OR1D2: variants seen among roughly 807,000 people sequenced by gnomAD.
OR1D2 encodes olfactory receptor 1D2.
For synonymous variants in OR1D2, 157 were observed against 153.9 expected (o/e 1.02, Z -0.15); for missense variants, 357 against 376.1 (o/e 0.95, Z 0.42).
rs1488220463 is a variant in OR1D2 at position 3,089,449 on chromosome 17, G to A, written c.*2609C>T. On this transcript the variant is annotated 3_prime_UTR_variant, in exon 2 of 2. Coordinates refer to ENST00000641833, the MANE Select transcript of OR1D2 (RefSeq NM_002548.3). ...TAGGAGTCTATGGTCCTTGGTTGAA[G>A]TTTTGTTTAGTGTACTAGTTGGCCT... 1 of 152,302 alleles carries A rather than the reference G, an allele frequency of 6.6e-6. No individual in the cohort carries two copies. Among genetic ancestry groups the A allele is most frequent in the Non-Finnish European group, 1.5e-5 (1 of 68,134 alleles). 9.4% of individuals were successfully genotyped at this position (152,302 alleles called of 1,614,324 possible).
In OR1D2 at chr17:3,094,919, C is replaced by G. The variant is rs944118672; in HGVS notation, c.-50-1873G>C. On this transcript the variant is annotated intron_variant, in intron 1 of 1. Coordinates refer to ENST00000641833, the MANE Select transcript of OR1D2 (RefSeq NM_002548.3). ...AGTCAGGCTGAATAGTAGTATTGAA[C>G]TAGCAGAAAAAATAGCATTCTTTAA... Among the ~76,000 whole-genome samples the G allele has an allele frequency of 2.0e-5, 3 of 151,832 alleles. No individual in the cohort carries two copies. In the East Asian group the frequency reaches 5.8e-4, roughly 29 times the overall value.
chr17:3,102,731 A>G (rs1412876126), intron 1 of OR1D2, among the ~76,000 whole-genome samples: 2 of 152,166 alleles, frequency 1.3e-5, no homozygotes, highest in African/African-American at 2.4e-5. Context: ...AAGAGCTGAA[A>G]TGCTGTATGT....
At chr17:3,099,666 C>T (rs1015807883) in intron 1 of OR1D2, among the ~76,000 whole-genome samples, 3 of 152,144 alleles carry the variant, frequency 2.0e-5, no homozygotes, top group Non-Finnish European at 4.4e-5. Context: ...CACATTCACA[C>T]ATAACAATAT....
At chr17:3,095,730 T>C (rs1597254825) in intron 1 of OR1D2, among the ~76,000 whole-genome samples, 1 of 151,882 alleles carries the variant, frequency 6.6e-6, no homozygotes, top group African/African-American at 2.4e-5. Context: ...TCTTATAACT[T>C]ATTTAAACAC....
At chr17:3,102,644 T>C (rs1046575586) in intron 1 of OR1D2, among the ~76,000 whole-genome samples, 7 of 152,264 alleles carry the variant, frequency 4.6e-5, no homozygotes, top group African/African-American at 1.4e-4. Context: ...CCGTTCTGCC[T>C]CCAGATTTCA....
chr17:3,102,301 G>T (rs768769021), intron 1 of OR1D2, among the ~76,000 whole-genome samples: 3 of 152,110 alleles, frequency 2.0e-5, no homozygotes, highest in Non-Finnish European at 4.4e-5. Flanking sequence ...CATCAAATGA[G>T]TGAATTCCTT....
intron 1 of OR1D2, among the ~76,000 whole-genome samples, chr17:3,100,306 G>T (rs1240416109): frequency 6.6e-6 from 1 of 152,044 alleles, no homozygotes; most frequent in African/African-American, 2.4e-5. Flanking sequence ...AAATGAAAAA[G>T]AACTGAAATA....
chr17:3,092,205 A>T lies in OR1D2; in HGVS notation c.792T>A (p.His264Gln). ...TLCMVYLKPL[H>Q]TYSVKDSVAT... is the part of the protein sequence containing the mutation. The stretch of plus-strand genomic sequence containing the variant: ...CTACTGAGTCCTTCACAGAGTAGGT[A>T]TGGAGGGGCTTTAGGTATACCATAC... Residue 264 changes from histidine to glutamine, a missense_variant, in exon 2 of 2, where the codon CAT (histidine) becomes CAA (glutamine). His to Gln is a conservative substitution (Grantham distance 24). Transcript: ENST00000641833. The T allele has an allele frequency of 6.2e-7, 1 of 1,614,140 alleles. No individual in the cohort carries two copies. Among genetic ancestry groups the T allele is most frequent in the Non-Finnish European group, 8.5e-7 (1 of 1,180,004 alleles).
intron 1 of OR1D2, among the ~76,000 whole-genome samples, chr17:3,102,780 G>GA (rs1253603106): frequency 6.6e-6 from 1 of 152,162 alleles, no homozygotes; most frequent in Non-Finnish European, 1.5e-5. Flanking sequence ...ATTGTCCTTG[G>GA]AAGGGGCCTG....
chr17:3,092,862 G>C lies in OR1D2; in HGVS notation c.135C>G (p.Ile45Met), dbSNP rs147499202. Residue 45 changes from isoleucine to methionine, a missense_variant, in exon 2 of 2, where the codon ATC becomes ATG. By Grantham distance (10) the Ile-to-Met change is conservative. Transcript: ENST00000641833. ...GGGAATCAGAGCTGATGGCCAGGAT[G>C]ATGAGCACATTTCCCACCACCGTGA... Reference protein sequence around the residue: ...YLVTVVGNVLIILAISSDSRL... With the variant: ...YLVTVVGNVLMILAISSDSRL... The C allele has an allele frequency of 3.7e-6, 6 of 1,613,964 alleles. No individual in the cohort carries two copies. Among genetic ancestry groups the C allele is most frequent in the Admixed American group, 3.3e-5 (2 of 59,992 alleles).
chr17:3,098,065 G>A (rs1314155728), intron 1 of OR1D2, among the ~76,000 whole-genome samples: 1 of 152,214 alleles, frequency 6.6e-6, no homozygotes, highest in Non-Finnish European at 1.5e-5. Flanking sequence ...CGCAATCTCT[G>A]TGGATCAGCA....
chr17:3,102,402 A>C (rs1240612440), intron 1 of OR1D2, among the ~76,000 whole-genome samples: 1 of 152,208 alleles, frequency 6.6e-6, no homozygotes, highest in East Asian at 1.9e-4. Flanking sequence ...TTCAAACCCC[A>C]GCGTAACAAA....
At chr17:3,097,223 T>C (rs1316637184) in intron 1 of OR1D2, among the ~76,000 whole-genome samples, 4 of 152,226 alleles carry the variant, frequency 2.6e-5, no homozygotes, top group African/African-American at 7.2e-5. Flanking sequence ...TTTCTATTTC[T>C]GTGGTGTCCA....
At chr17:3,100,918 C>G (rs2047872311) in intron 1 of OR1D2, among the ~76,000 whole-genome samples, 1 of 152,136 alleles carries the variant, frequency 6.6e-6, no homozygotes, top group South Asian at 2.1e-4. Flanking sequence ...ACTAGAAAAT[C>G]TAGAAGAAAT....
chr17:3,102,200 A>G (rs1219159745), intron 1 of OR1D2, among the ~76,000 whole-genome samples: 1 of 152,184 alleles, frequency 6.6e-6, no homozygotes, highest in Non-Finnish European at 1.5e-5. Flanking sequence ...AAGCAAATGG[A>G]GATGAGGGAA....
At chr17:3,097,393 G>T (rs964930226) in intron 1 of OR1D2, among the ~76,000 whole-genome samples, 6 of 152,322 alleles carry the variant, frequency 3.9e-5, no homozygotes, top group Non-Finnish European at 2.9e-5. Flanking sequence ...AATTGGAAAA[G>T]AGTCAAATTA....
intron 1 of OR1D2, among the ~76,000 whole-genome samples, chr17:3,100,549 A>T (rs2047869913): frequency 6.6e-6 from 1 of 152,208 alleles, no homozygotes; most frequent in African/African-American, 2.4e-5. Flanking sequence ...AATTTATAGC[A>T]CTAAATGCCC....
In OR1D2 at chr17:3,092,883, C is replaced by T. The variant is rs562727877; in HGVS notation, c.114G>A (p.Thr38=). The change falls in exon 2 of 2, where the codon ACG becomes ACA. Residue 38 remains threonine, a synonymous_variant. Transcript: ENST00000641833. ...GGATGATGAGCACATTTCCCACCAC[C>T]GTGACCAGGTACATGGACAGGAACA... The part of the protein sequence containing the change: ...FWMFLSMYLV[T]VVGNVLIILA... The T allele has an allele frequency of 3.2e-5, 51 of 1,613,970 alleles. 1 individual carries two copies. The highest frequency in any genetic ancestry group is 1.6e-4 in the Middle Eastern group (1 of 6,084).
At chr17:3,095,304 A>G (rs933717043) in intron 1 of OR1D2, among the ~76,000 whole-genome samples, 7 of 152,134 alleles carry the variant, frequency 4.6e-5, no homozygotes, top group African/African-American at 1.7e-4. Context: ...TAATAATATG[A>G]ACAACAGACT....
Sources: allele counts gnomAD v4.1 joint callset (sites outside exome capture counted in the v4.1 genomes callset), GRCh38; gene constraint gnomAD v4.1.1; transcripts MANE v1.5; gene names NCBI Gene and HGNC (gene_info 2026-07-23, HGNC 2026-07-21).